SHMT1: variants seen among roughly 807,000 people sequenced by gnomAD.
The protein encoded by SHMT1 is serine hydroxymethyltransferase, cytosolic.
In SHMT1, 45 loss-of-function variants were observed where a neutral mutation model predicts 49.0. The observed-to-expected ratio is 0.92, with a 90% CI of 0.72 to 1.18. The LOEUF is 1.18. Ranked by LOEUF, SHMT1 falls within the 50% of genes most tolerant of loss-of-function variation. The probability of loss-of-function intolerance (pLI) is 0.00; values close to 1 mark genes in which losing one functional copy is unlikely to be tolerated. For synonymous variants in SHMT1, 232 were observed against 246.6 expected, an observed-to-expected ratio of 0.94 and a Z score of 0.55; for missense variants, 541 against 612.4, an observed-to-expected ratio of 0.88 and a Z score of 1.23.
At chr17:18,350,078 C>T (rs1246079056) in intron 3 of SHMT1, among the ~76,000 whole-genome samples, 1 of 152,034 alleles carries the variant, frequency 6.6e-6, no homozygotes, top group Non-Finnish European at 1.5e-5. Context: ...CCTGTAATCC[C>T]AGCACTTTCG....
chr17:18,361,713 G>A (rs903121309), intron 1 of SHMT1, among the ~76,000 whole-genome samples: 3 of 151,862 alleles, frequency 2.0e-5, no homozygotes, highest in African/African-American at 7.3e-5. Flanking sequence ...GTGAACCCGG[G>A]AGGCGGAGCT....
At chr17:18,355,811 A>T in intron 2 of SHMT1, 75 bp downstream of exon 2, 1 of 916,102 alleles carries the variant, frequency 1.1e-6, no homozygotes, top group Non-Finnish European at 1.8e-6. Context: ...GTCCCTAATT[A>T]ATTTGTAATT....
chr17:18,346,648 T>A (rs1374146709), intron 5 of SHMT1, among the ~76,000 whole-genome samples: 1 of 152,094 alleles, frequency 6.6e-6, no homozygotes, highest in East Asian at 1.9e-4. Flanking sequence ...TCCAATAAGC[T>A]CATCATTAAG....
At chr17:18,331,043 A>G in intron 9 of SHMT1, 1 of 360,686 alleles carries the variant, frequency 2.8e-6, no homozygotes, top group Non-Finnish European at 5.4e-6. Context: ...AGTTCAATTT[A>G]CTTTGGGGGG....
chr17:18,348,435 T>A lies in SHMT1; in HGVS notation c.248A>T (p.Tyr83Phe), dbSNP rs1181055239. The change falls in exon 4 of 12, where the codon TAT becomes TTT. Residue 83 changes from tyrosine to phenylalanine, a missense_variant. Transcript: ENST00000316694. ...YSEGYPGQRY[Y>F]GGTEFIDELE... The stretch of plus-strand genomic sequence containing the variant: ...TTCATCAATAAACTCAGTCCCGCCA[T>A]AGTATCTGTGGGAGAAGAGCAGGAG... The A allele has an allele frequency of 6.2e-7, 1 of 1,608,762 alleles. No individual in the cohort carries two copies. Among genetic ancestry groups the A allele is most frequent in the Non-Finnish European group, 8.5e-7 (1 of 1,175,174 alleles).
intron 3 of SHMT1, among the ~76,000 whole-genome samples, chr17:18,351,397 C>G (rs1013826566): frequency 6.6e-6 from 1 of 151,844 alleles, no homozygotes; most frequent in Non-Finnish European, 1.5e-5. Flanking sequence ...CCACCCAGCT[C>G]GGCCTCCTAA....
At chr17:18,354,247 C>A (rs1387464824) in intron 2 of SHMT1, among the ~76,000 whole-genome samples, 2 of 152,178 alleles carry the variant, frequency 1.3e-5, no homozygotes, top group Non-Finnish European at 2.9e-5. Context: ...GAGAAACCCT[C>A]GTCTCTACTA....
chr17:18,353,891 C>T, intron 2 of SHMT1, 74 bp from the exon 3 acceptor site: 1 of 1,306,206 alleles, frequency 7.7e-7, no homozygotes, highest in South Asian at 1.2e-5. Context: ...AAATTACAAC[C>T]TCCTAAAGAG....
chr17:18,329,007 TC>T, intron 11 of SHMT1, 88 bp from the exon 12 acceptor site: 4 of 1,535,308 alleles, frequency 2.6e-6, no homozygotes, highest in South Asian at 1.1e-5. Context: ...TGTCAGAATG[TC>T]CCCCAGCTGG....
chr17:18,338,845 C>A (rs992850029), intron 7 of SHMT1, among the ~76,000 whole-genome samples: 1 of 151,928 alleles, frequency 6.6e-6, no homozygotes, highest in African/African-American at 2.4e-5. Context: ...TGCTTGAAGG[C>A]GGCATGCTCA....
chr17:18,362,226 A>G (rs1293463235), intron 1 of SHMT1, among the ~76,000 whole-genome samples: 3 of 152,378 alleles, frequency 2.0e-5, no homozygotes, highest in African/African-American at 7.2e-5. Context: ...GTCCCAGGAC[A>G]TTGCACTAAA....
At position 18,328,822 on chromosome 17, in the gene SHMT1, G is replaced by C; in HGVS notation, c.1380C>G (p.Ala460=). ...CAACCTCCTCCCGGAGAGCCTGCAC[G>C]GCCGCCTGGTACTTATCCCCTGCCA... ...ERLAGDKYQA[A]VQALREEVES... Residue 460 remains alanine, a synonymous_variant, in exon 12 of 12, where the codon GCC becomes GCG. Coordinates refer to ENST00000316694, the MANE Select transcript of SHMT1 (RefSeq NM_004169.5). 1 of 1,612,892 alleles carries C rather than the reference G, an allele frequency of 6.2e-7. No homozygotes were observed. Among genetic ancestry groups the C allele is most frequent in the Non-Finnish European group, 8.5e-7 (1 of 1,179,842 alleles).
intron 7 of SHMT1, among the ~76,000 whole-genome samples, chr17:18,338,371 G>A (rs1012469264): frequency 1.8e-4 from 27 of 151,312 alleles, no homozygotes; most frequent in African/African-American, 5.1e-4. Flanking sequence ...GGCAGCCCCC[G>A]CCCAGCCAGC....
intron 2 of SHMT1, among the ~76,000 whole-genome samples, chr17:18,355,144 C>T (rs111921907): frequency 2.3e-5 from 3 of 129,200 alleles, no homozygotes; most frequent in African/African-American, 5.9e-5. Context: ...CTGAGGTGGG[C>T]GGATCACGAG....
chr17:18,360,714 A>C (rs1398141795), intron 1 of SHMT1, among the ~76,000 whole-genome samples: 3 of 152,176 alleles, frequency 2.0e-5, no homozygotes, highest in African/African-American at 4.8e-5. Flanking sequence ...CGCAGAGTAA[A>C]CAAGTGCAGA....
intron 3 of SHMT1, among the ~76,000 whole-genome samples, chr17:18,352,304 G>A: frequency 6.6e-6 from 1 of 151,940 alleles, no homozygotes; most frequent in African/African-American, 2.4e-5. Context: ...CCGCCACCTT[G>A]CCAGGCTAAT....
intron 7 of SHMT1, among the ~76,000 whole-genome samples, chr17:18,338,683 G>C (rs1056541021): frequency 6.6e-5 from 10 of 152,330 alleles, no homozygotes; most frequent in Non-Finnish European, 1.5e-4. Flanking sequence ...GAAAGAAGTA[G>C]ACATAGGAGA....
At chr17:18,359,144 A>G (rs1393166618) in intron 1 of SHMT1, among the ~76,000 whole-genome samples, 1 of 151,648 alleles carries the variant, frequency 6.6e-6, no homozygotes, top group African/African-American at 2.4e-5. Flanking sequence ...AGGCTGAGGC[A>G]GGAGAATCGC....
At chr17:18,330,788 A>T in intron 9 of SHMT1, 117 bp from the exon 10 acceptor site, 1 of 734,916 alleles carries the variant, frequency 1.4e-6, no homozygotes, top group Non-Finnish European at 2.4e-6. Context: ...GAAGGTGAGC[A>T]CCCCCACCAC....
Sources: allele counts gnomAD v4.1 joint callset (sites outside exome capture counted in the v4.1 genomes callset), GRCh38; gene constraint gnomAD v4.1.1; transcripts MANE v1.5; gene names NCBI Gene and HGNC (gene_info 2026-07-23, HGNC 2026-07-21).